Variants in SH2D4B observed in about 807,000 individuals in gnomAD.
SH2D4B encodes the protein SH2 domain-containing protein 4B.
SH2D4B carries 45 observed loss-of-function variants against 61.5 expected under a neutral mutation model. The ratio of observed to expected loss-of-function variants is 0.73; its 90% confidence interval spans 0.58 to 0.94. The LOEUF is 0.94. Among genes scored for constraint, SH2D4B ranks in the 40% least tolerant of loss-of-function variants. The pLI, the probability that SH2D4B is intolerant of heterozygous loss-of-function variation, is 0.00. For missense variants in SH2D4B, 572 were observed against 574.2 expected, an observed-to-expected ratio of 1.00 and a Z score of 0.04; for synonymous variants, 224 against 220.4, an observed-to-expected ratio of 1.02 and a Z score of -0.14.
At position 80,634,531 on chromosome 10, in the gene SH2D4B, G is replaced by C. The variant is rs180766868; in HGVS notation, c.1209+26G>C. 390 of 1,545,212 alleles carry C rather than the reference G, an allele frequency of 2.5e-4. 3 individuals carry two copies. Among genetic ancestry groups the C allele is most frequent in the South Asian group, 2.1e-3 (173 of 83,764 alleles). ...GTATCCCTCACAGGGATACTAATGG[G>C]GGGGAGGGGGAACTGGTGGAAATTG... On this transcript the variant is annotated intron_variant, in intron 7 of 7. Transcript: ENST00000646907.
intron 1 of SH2D4B, among the ~76,000 whole-genome samples, chr10:80,550,903 G>A (rs556932331): frequency 6.6e-6 from 1 of 152,202 alleles, no homozygotes; most frequent in Admixed American, 6.5e-5. Flanking sequence ...TATATTGCAG[G>A]TGGTTAAAGA....
Position 80,538,473 on chromosome 10 carries a change from C to A in SH2D4B, c.142C>A (p.Leu48Met). The A allele has an allele frequency of 6.8e-7, 1 of 1,464,624 alleles. No homozygotes were observed. The highest frequency in any genetic ancestry group is 9.0e-7 in the Non-Finnish European group (1 of 1,108,002). The allele number at this position is 1,464,624 out of a possible 1,614,324, so 90.7% of individuals were successfully genotyped here. A position where few individuals can be genotyped will look rare whatever the true frequency, so the allele number is the denominator to read the frequency against. ...RWKERETWEALAQDEGLRPPK... is the reference protein window; with the variant it reads ...RWKERETWEAMAQDEGLRPPK... ...GAAGGAGCGGGAGACTTGGGAGGCC[C>A]TGGCCCAGGACGAGGGTCTCAGGCC... Residue 48 changes from leucine to methionine, a missense_variant, in exon 1 of 8, where the codon CTG (leucine) becomes ATG (methionine). Coordinates refer to ENST00000646907, the MANE Select transcript of SH2D4B (RefSeq NM_001388272.1). This position sits in a 1 kb window ranked among gnomAD's most constrained non-coding sequence, Gnocchi z 4.8.
intron 1 of SH2D4B, among the ~76,000 whole-genome samples, chr10:80,560,205 T>C (rs1841886236): frequency 6.6e-6 from 1 of 151,988 alleles, no homozygotes; most frequent in South Asian, 2.1e-4. Flanking sequence ...GCCAGGATGG[T>C]CTCGATCTCC....
intron 4 of SH2D4B, among the ~76,000 whole-genome samples, chr10:80,592,693 T>C (rs989150486): frequency 6.6e-6 from 1 of 151,756 alleles, no homozygotes; most frequent in Admixed American, 6.6e-5. Flanking sequence ...TATGTCTGTT[T>C]CTGTACTCTG....
chr10:80,623,441 C>T (rs1842738548), intron 6 of SH2D4B, among the ~76,000 whole-genome samples: 1 of 152,196 alleles, frequency 6.6e-6, no homozygotes, highest in Non-Finnish European at 1.5e-5. Flanking sequence ...ATCCTCACTA[C>T]TTAATTATCT....
At chr10:80,639,758 T>A (rs1840256563) in intron 7 of SH2D4B, among the ~76,000 whole-genome samples, 1 of 152,236 alleles carries the variant, frequency 6.6e-6, no homozygotes, top group South Asian at 2.1e-4. Context: ...GTCTTTTAAT[T>A]GGGGCATTTA....
At chr10:80,572,630 T>G (rs964795133) in intron 3 of SH2D4B, among the ~76,000 whole-genome samples, 2 of 151,934 alleles carry the variant, frequency 1.3e-5, no homozygotes, top group Non-Finnish European at 2.9e-5. Flanking sequence ...CCCTTTCTTT[T>G]CTTTTTTGAG....
At chr10:80,577,911 A>C (rs1337330492) in intron 3 of SH2D4B, among the ~76,000 whole-genome samples, 1 of 152,102 alleles carries the variant, frequency 6.6e-6, no homozygotes, top group Non-Finnish European at 1.5e-5. Context: ...TAGACAACCA[A>C]AAACAGCTTC....
intron 1 of SH2D4B, among the ~76,000 whole-genome samples, chr10:80,563,995 TAAGCCC>T (rs1841938058): frequency 1.3e-5 from 2 of 152,246 alleles, no homozygotes; most frequent in Non-Finnish European, 2.9e-5. Context: ...AATTAGTAGC[TAAGCCC>T]TCTATAGATG....
chr10:80,605,996 A>G (rs1397851635), intron 5 of SH2D4B, among the ~76,000 whole-genome samples: 1 of 152,218 alleles, frequency 6.6e-6, no homozygotes, highest in Non-Finnish European at 1.5e-5. Flanking sequence ...GGCCTCATCC[A>G]GAGTGAGCCT....
At chr10:80,579,249 C>G (rs574382259) in intron 3 of SH2D4B, among the ~76,000 whole-genome samples, 2 of 151,848 alleles carry the variant, frequency 1.3e-5, no homozygotes, top group Non-Finnish European at 2.9e-5. Flanking sequence ...CAACTGCATT[C>G]TGAAAATGGA....
chr10:80,616,762 T>A (rs1242067330), intron 6 of SH2D4B, among the ~76,000 whole-genome samples: 1 of 152,254 alleles, frequency 6.6e-6, no homozygotes, highest in Non-Finnish European at 1.5e-5. Context: ...TTTTAACTAA[T>A]AATTTGGGAA....
intron 3 of SH2D4B, among the ~76,000 whole-genome samples, chr10:80,578,881 AAT>A (rs1842156064): frequency 6.6e-6 from 1 of 152,114 alleles, no homozygotes; most frequent in African/African-American, 2.4e-5. Flanking sequence ...GATATAGCAA[AAT>A]GGTGGTGGTG....
chr10:80,629,663 C>G (rs7075229), intron 6 of SH2D4B, among the ~76,000 whole-genome samples: 182 of 152,338 alleles, frequency 1.2e-3, no homozygotes, highest in African/African-American at 3.9e-3. Flanking sequence ...GTGTAGAATA[C>G]TTAGTGCATC....
intron 6 of SH2D4B, among the ~76,000 whole-genome samples, chr10:80,611,347 T>C (rs1842596904): frequency 6.6e-6 from 1 of 152,166 alleles, no homozygotes; most frequent in Non-Finnish European, 1.5e-5. Flanking sequence ...GTACAGTGGA[T>C]AGTTTCGAAG....
chr10:80,632,156 A>G (rs1344106701), intron 6 of SH2D4B, among the ~76,000 whole-genome samples: 1 of 152,028 alleles, frequency 6.6e-6, no homozygotes, highest in Non-Finnish European at 1.5e-5. Context: ...AACATGGGCT[A>G]TGTTGCCCAG....
intron 6 of SH2D4B, among the ~76,000 whole-genome samples, chr10:80,612,162 C>T (rs903708256): frequency 3.3e-5 from 5 of 149,716 alleles, no homozygotes; most frequent in African/African-American, 7.4e-5. Flanking sequence ...GTTAGCAGCC[C>T]GGGACCTCCC....
chr10:80,549,963 T>A (rs1005266291), intron 1 of SH2D4B, among the ~76,000 whole-genome samples: 4 of 152,092 alleles, frequency 2.6e-5, no homozygotes, highest in African/African-American at 9.7e-5. Flanking sequence ...AAGATTAATA[T>A]TTAATTAATT....
In SH2D4B at chr10:80,644,304, C is replaced by A; in HGVS notation, c.*219C>A. On this transcript the variant is annotated 3_prime_UTR_variant, in exon 8 of 8. Transcript: ENST00000646907. ...TTGCTAATAGCTCATGCAACTCTTT[C>A]ATGAAGAGCTTAGCTATGACCTTAG... 1 of 525,998 alleles carries A rather than the reference C, an allele frequency of 1.9e-6. No individual in the cohort carries two copies. Among genetic ancestry groups the A allele is most frequent in the Non-Finnish European group, 3.4e-6 (1 of 296,008 alleles). The allele number at this position is 525,998 out of a possible 1,614,324, so 32.6% of individuals were successfully genotyped here.
Sources: allele counts gnomAD v4.1 joint callset (sites outside exome capture counted in the v4.1 genomes callset), GRCh38; gene constraint gnomAD v4.1.1; non-coding constraint Gnocchi (gnomAD v3.1); transcripts MANE v1.5; gene names NCBI Gene and HGNC (gene_info 2026-07-23, HGNC 2026-07-21).